The following UBR2 variants were observed in gnomAD, a reference collection of about 807,000 sequenced individuals.
UBR2 encodes ubiquitin protein ligase E3 component n-recognin 2.
UBR2 carries 92 observed loss-of-function variants against 247.9 expected under a neutral mutation model. The ratio of observed to expected loss-of-function variants is 0.37; its 90% CI spans 0.31 to 0.44. The LOEUF is 0.44. UBR2 is among the 20% of genes least tolerant of loss of function. UBR2 has a pLI of 1.00. For synonymous variants in UBR2, 672 were observed against 693.5 expected (o/e 0.97, Z 0.49); for missense variants, 1,613 against 2,112.6 (o/e 0.76, Z 4.64).
chr6:42,599,434 G>C (rs1460703388), intron 4 of UBR2, among the ~76,000 whole-genome samples: 1 of 152,036 alleles, frequency 6.6e-6, no homozygotes, highest in Admixed American at 6.6e-5. Context: ...AGAGAAACTT[G>C]AGTTTTAGAA....
intron 8 of UBR2, among the ~76,000 whole-genome samples, 173 bp downstream of exon 8, chr6:42,612,464 T>G (rs186208005): frequency 6.6e-6 from 1 of 152,224 alleles, no homozygotes; most frequent in Non-Finnish European, 1.5e-5. Context: ...TTTAACAAAT[T>G]TGGTCATACT....
intron 26 of UBR2, among the ~76,000 whole-genome samples, chr6:42,656,317 A>T (rs889834091): frequency 2.6e-5 from 4 of 152,152 alleles, no homozygotes; most frequent in African/African-American, 9.7e-5. Context: ...GAGTTTTTTT[A>T]AATATTATTC....
Position 42,673,884 on chromosome 6 carries a change from G to A in UBR2, c.4180G>A (p.Ala1394Thr). The A allele has an allele frequency of 6.2e-7, 1 of 1,610,802 alleles. No homozygotes were observed. ...VVQGHFCKLFASLVPNDSHEE... is the reference protein window; with the variant it reads ...VVQGHFCKLFTSLVPNDSHEE... Reference sequence around the variant, plus strand: ...GCAAGGACATTTTTGTAAACTTTTTGCATGTGAGTATTAATACATTTATAA... The same window carrying A: ...GCAAGGACATTTTTGTAAACTTTTTACATGTGAGTATTAATACATTTATAA... Residue 1394 changes from alanine (A) to threonine (T), a missense_variant, in exon 37 of 47, where the codon GCA becomes ACA. This residue lies in a region of UBR2 where 1,524 missense variants were observed against 1,967.3 expected (regional missense o/e 0.77). Coordinates refer to ENST00000372901, the MANE Select transcript of UBR2 (RefSeq NM_001363705.2).
chr6:42,595,818 T>G (rs1792934164), intron 4 of UBR2, among the ~76,000 whole-genome samples: 1 of 152,086 alleles, frequency 6.6e-6, no homozygotes, highest in African/African-American at 2.4e-5. Flanking sequence ...AAATCAAAAT[T>G]TATACAAAAT....
intron 22 of UBR2, among the ~76,000 whole-genome samples, chr6:42,648,440 T>G (rs1372370329): frequency 6.6e-6 from 1 of 152,196 alleles, no homozygotes; most frequent in Non-Finnish European, 1.5e-5. Context: ...TAGTAAAAAT[T>G]AACCTCAGCA....
intron 34 of UBR2, 101 bp downstream of exon 34, chr6:42,666,346 T>C (rs1261789448): frequency 2.2e-6 from 2 of 924,420 alleles, no homozygotes; most frequent in Non-Finnish European, 3.3e-6. Context: ...GGGAGCAAAA[T>C]GTTATAGGAT....
intron 5 of UBR2, among the ~76,000 whole-genome samples, chr6:42,605,002 G>A (rs1368332302): frequency 6.7e-6 from 1 of 150,034 alleles, no homozygotes; most frequent in Admixed American, 6.7e-5. Flanking sequence ...ACTCCAGCCT[G>A]GGCGACAGAG....
At chr6:42,598,201 G>A (rs62414617) in intron 4 of UBR2, among the ~76,000 whole-genome samples, 2 of 151,798 alleles carry the variant, frequency 1.3e-5, no homozygotes, top group Non-Finnish European at 2.9e-5. Context: ...ACCTGTTCTT[G>A]TGTCTGTTTT....
Position 42,679,551 on chromosome 6 carries a change from G to A in UBR2, c.4610-173G>A, listed in dbSNP as rs566990278. Among the ~76,000 whole-genome samples, 10 of 152,368 alleles carry A rather than the reference G, an allele frequency of 6.6e-5. No individual in the cohort carries two copies. The South Asian group carries it at 8.3e-4, about 13-fold the overall frequency. ...CGCCTGACTGCACTTGACGCATTGC[G>A]TCATTTTCCATGGATTCCTTCCATG... is the stretch of plus-strand genomic sequence containing the variant. On this transcript the variant is annotated intron_variant, in intron 41 of 46. Coordinates refer to ENST00000372901, the MANE Select transcript of UBR2 (RefSeq NM_001363705.2).
At chr6:42,569,218 A>C (rs1790965788) in intron 1 of UBR2, among the ~76,000 whole-genome samples, 1 of 152,208 alleles carries the variant, frequency 6.6e-6, no homozygotes, top group South Asian at 2.1e-4. Context: ...TCATATGTTA[A>C]CTATTTTGAA....
intron 14 of UBR2, among the ~76,000 whole-genome samples, chr6:42,635,948 TTA>T (rs1445588474): frequency 6.6e-6 from 1 of 152,284 alleles, no homozygotes; most frequent in Admixed American, 6.5e-5. Flanking sequence ...CCTGTATACA[TTA>T]TGAGGTTAGG....
In UBR2 at chr6:42,691,932, G is replaced by C. The variant is rs1799776030; in HGVS notation, c.*759G>C. The C allele has an allele frequency of 6.6e-6, 1 of 152,066 alleles. No individual in the cohort carries two copies. Among genetic ancestry groups the C allele is most frequent in the Non-Finnish European group, 1.5e-5 (1 of 67,978 alleles). 9.4% of individuals were successfully genotyped at this position (152,066 alleles called of 1,614,324 possible). A position where few individuals can be genotyped will look rare whatever the true frequency, so the allele number is the denominator to read the frequency against. ...AATTAGGATATTCTAAAAGAATATGGATTAAAAATTTAGGATATTCTTTTA... is the reference window on the plus strand; with the variant it reads ...AATTAGGATATTCTAAAAGAATATGCATTAAAAATTTAGGATATTCTTTTA... On this transcript the variant is annotated 3_prime_UTR_variant, in exon 47 of 47. Transcript: ENST00000372901.
At chr6:42,610,561 G>A (rs1161915302) in intron 7 of UBR2, among the ~76,000 whole-genome samples, 1 of 152,162 alleles carries the variant, frequency 6.6e-6, no homozygotes, top group African/African-American at 2.4e-5. Context: ...AGAACATTAT[G>A]CTAAGTGAAA....
At chr6:42,667,258 CT>C (rs771675391) in intron 34 of UBR2, among the ~76,000 whole-genome samples, 1 of 151,684 alleles carries the variant, frequency 6.6e-6, no homozygotes, top group African/African-American at 2.4e-5. Context: ...ATCGCTTGAA[CT>C]TGGGAGGCAG....
chr6:42,662,000 TAG>T (rs1450427314), intron 30 of UBR2, among the ~76,000 whole-genome samples, 182 bp from the exon 31 acceptor site: 5 of 152,356 alleles, frequency 3.3e-5, no homozygotes, highest in South Asian at 2.1e-4. Context: ...TGGTGAAAAT[TAG>T]AGAGTCCTAC....
chr6:42,671,590 T>A (rs543289953), intron 36 of UBR2, among the ~76,000 whole-genome samples: 2 of 152,308 alleles, frequency 1.3e-5, no homozygotes, highest in African/African-American at 4.8e-5. Context: ...TGCGTGGGCA[T>A]TTTTTAGCCC....
At chr6:42,571,374 A>C (rs1048720045) in intron 1 of UBR2, among the ~76,000 whole-genome samples, 9 of 152,220 alleles carry the variant, frequency 5.9e-5, no homozygotes, top group African/African-American at 2.2e-4. Context: ...TTTTTAAATA[A>C]AATCTTTCAA....
At position 42,688,542 on chromosome 6, in the gene UBR2, A is replaced by T. The variant is rs552365815; in HGVS notation, c.5024+156A>T. On this transcript the variant is annotated intron_variant, in intron 45 of 46. Coordinates refer to ENST00000372901, the MANE Select transcript of UBR2 (RefSeq NM_001363705.2). ...AGCTCCTTGTCGCCTCACATCTCACATCTGGTCCATGCCAACTCTGTGTTG... is the reference window on the plus strand; with the variant it reads ...AGCTCCTTGTCGCCTCACATCTCACTTCTGGTCCATGCCAACTCTGTGTTG... Among the ~76,000 whole-genome samples, 100 of 152,220 alleles carry T rather than the reference A, an allele frequency of 6.6e-4. No homozygotes were observed. The Middle Eastern group carries it at 0.02, about 31-fold the overall frequency.
intron 24 of UBR2, 61 bp downstream of exon 24, chr6:42,652,132 C>T: frequency 1.4e-6 from 2 of 1,443,212 alleles, no homozygotes; most frequent in Non-Finnish European, 1.9e-6. Context: ...ACATTGTTTT[C>T]TGTTAACTAT....
Sources: allele counts gnomAD v4.1 joint callset (sites outside exome capture counted in the v4.1 genomes callset), GRCh38; gene constraint gnomAD v4.1.1; regional missense constraint gnomAD v4.1.1; transcripts MANE v1.5; gene names NCBI Gene and HGNC (gene_info 2026-07-23, HGNC 2026-07-21).